The following PDE7B variants were observed in gnomAD, a reference collection of about 807,000 sequenced individuals.
PDE7B encodes the protein 3',5'-cyclic-AMP phosphodiesterase 7B.
Under a neutral mutation model 56.2 loss-of-function variants are expected in PDE7B, and 29 were observed. That is an observed-to-expected ratio of 0.52 (90% CI 0.38 to 0.70). The LOEUF (loss-of-function observed/expected upper bound fraction) is 0.70. Ranked by LOEUF, PDE7B falls within the 30% of genes least tolerant of loss-of-function variation. The pLI is 0.00. For missense variants in PDE7B, 490 were observed against 565.0 expected (o/e 0.87, Z 1.35); for synonymous variants, 197 against 196.9 (o/e 1.00, Z 0.00).
At chr6:136,062,166 AT>A (rs1169916264) in intron 2 of PDE7B, among the ~76,000 whole-genome samples, 2 of 152,208 alleles carry the variant, frequency 1.3e-5, no homozygotes, top group African/African-American at 4.8e-5. Flanking sequence ...CGCCATCCTC[AT>A]AAGGTAAATA....
intron 11 of PDE7B, among the ~76,000 whole-genome samples, chr6:136,182,482 T>C (rs1779082202): frequency 6.6e-6 from 1 of 152,180 alleles, no homozygotes; most frequent in Non-Finnish European, 1.5e-5. Flanking sequence ...TGAAATAGCA[T>C]AGTGAGAGAG....
At chr6:136,079,445 C>T (rs1046613693) in intron 2 of PDE7B, among the ~76,000 whole-genome samples, 2 of 152,098 alleles carry the variant, frequency 1.3e-5, no homozygotes, top group Non-Finnish European at 2.9e-5. Flanking sequence ...CTGAGGTGCA[C>T]TAATAACATT....
At chr6:136,005,024 G>C (rs1442323398) in intron 2 of PDE7B, among the ~76,000 whole-genome samples, 3 of 152,196 alleles carry the variant, frequency 2.0e-5, no homozygotes, top group Admixed American at 2.0e-4. Flanking sequence ...CAATGGAACA[G>C]AACAGAGCTC....
intron 2 of PDE7B, among the ~76,000 whole-genome samples, chr6:135,963,261 GACAA>G (rs1319000219): frequency 6.6e-6 from 1 of 152,122 alleles, no homozygotes; most frequent in Non-Finnish European, 1.5e-5. Flanking sequence ...TAAGCTAAGA[GACAA>G]ACAAAAGGCA....
At chr6:136,092,513 C>A (rs1356499272) in intron 2 of PDE7B, among the ~76,000 whole-genome samples, 1 of 152,176 alleles carries the variant, frequency 6.6e-6, no homozygotes, top group Non-Finnish European at 1.5e-5. Context: ...GTAATCCCAG[C>A]ACTTTGGGAA....
At chr6:136,128,747 A>G (rs1778066117) in intron 3 of PDE7B, among the ~76,000 whole-genome samples, 1 of 152,164 alleles carries the variant, frequency 6.6e-6, no homozygotes. Context: ...TGGCTGAAGA[A>G]CTGCTTTGCT....
chr6:136,129,622 C>A (rs1778082731), intron 3 of PDE7B, among the ~76,000 whole-genome samples: 1 of 152,210 alleles, frequency 6.6e-6, no homozygotes, highest in Non-Finnish European at 1.5e-5. Flanking sequence ...TTTGCATCAT[C>A]AGCACCCAGC....
chr6:135,861,345 A>G (rs1290455179), intron 1 of PDE7B, among the ~76,000 whole-genome samples: 1 of 151,790 alleles, frequency 6.6e-6, no homozygotes, highest in Non-Finnish European at 1.5e-5. Context: ...CCAACAATAC[A>G]TGTTCAGTTA....
intron 1 of PDE7B, among the ~76,000 whole-genome samples, chr6:135,936,138 T>C (rs895254664): frequency 3.9e-5 from 6 of 152,210 alleles, no homozygotes; most frequent in African/African-American, 1.4e-4. Context: ...TACAAGTGTA[T>C]AGGATTACAT....
chr6:135,924,617 C>CTT (rs3037775), intron 1 of PDE7B, among the ~76,000 whole-genome samples: 4,559 of 49,254 alleles, frequency 0.093, 357 homozygotes, highest in African/African-American at 0.23. Flanking sequence ...CTCTCTCTCT[C>CTT]TTTTTTTTTT....
chr6:136,031,597 G>T (rs1301590412), intron 2 of PDE7B, among the ~76,000 whole-genome samples: 2 of 151,430 alleles, frequency 1.3e-5, no homozygotes, highest in Non-Finnish European at 2.9e-5. Flanking sequence ...AAATTAGCCG[G>T]GCGTAGTGGC....
intron 2 of PDE7B, among the ~76,000 whole-genome samples, chr6:136,061,697 C>A (rs1292680718): frequency 6.6e-6 from 1 of 152,190 alleles, no homozygotes; most frequent in Admixed American, 6.5e-5. Context: ...ACTAAATAAG[C>A]ATTGAATCAA....
rs869049424 is a variant in PDE7B at position 135,906,810 on chromosome 6, GTTTTT to G, written c.22-40632_22-40628del. On this transcript the variant is annotated intron_variant, in intron 1 of 12. Coordinates refer to ENST00000308191, the MANE Select transcript of PDE7B (RefSeq NM_018945.4). ...TTTGACTCAAATGTTAATGAGGTTT[GTTTTT>G]TTTTTTTTTTTTTTTTTTTTTAATC... Among the ~76,000 whole-genome samples, 8 of 59,540 alleles carry G rather than the reference GTTTTT, an allele frequency of 1.3e-4. 1 individual carries two copies. Among genetic ancestry groups the G allele is most frequent in the African/African-American group, 4.2e-4 (6 of 14,242 alleles). 39.1% of individuals were successfully genotyped at this position (59,540 alleles called of 152,430 possible). A position where few individuals can be genotyped will look rare whatever the true frequency, so the allele number is the denominator to read the frequency against.
intron 2 of PDE7B, 78 bp downstream of exon 2, chr6:135,947,602 GTCTC>G: frequency 8.3e-6 from 9 of 1,081,098 alleles, no homozygotes; most frequent in Non-Finnish European, 1.3e-5. Context: ...CTTTTTGGCT[GTCTC>G]TCATTCTGTT....
rs1460260396 is a variant in PDE7B at position 136,192,737 on chromosome 6, C to T, written c.*897C>T. 6.6e-6 allele frequency: 1 copy of T among 152,590 alleles called. No homozygotes were observed. Among genetic ancestry groups the T allele is most frequent in the Admixed American group, 6.5e-5 (1 of 15,280 alleles). The allele number at this position is 152,590 out of a possible 1,614,324, so 9.5% of individuals were successfully genotyped here. On this transcript the variant is annotated 3_prime_UTR_variant, in exon 13 of 13. Coordinates refer to ENST00000308191, the MANE Select transcript of PDE7B (RefSeq NM_018945.4). ...TGTGAAAATACTGTTAGTTTTAATA[C>T]AAGAGAATGCATTTGTAAATATGGT...
intron 2 of PDE7B, among the ~76,000 whole-genome samples, chr6:136,100,971 C>T (rs1029314335): frequency 2.0e-5 from 3 of 152,124 alleles, no homozygotes; most frequent in Non-Finnish European, 4.4e-5. Flanking sequence ...GAGTTTTTAG[C>T]ATGAAAGGCT....
intron 6 of PDE7B, among the ~76,000 whole-genome samples, chr6:136,151,760 CCT>C (rs1393282859): frequency 6.6e-6 from 1 of 151,810 alleles, no homozygotes. Context: ...ACAGTGAAAC[CCT>C]GTCTCTACTA....
intron 2 of PDE7B, among the ~76,000 whole-genome samples, chr6:135,997,078 G>A (rs186208867): frequency 3.9e-5 from 6 of 151,996 alleles, no homozygotes; most frequent in Admixed American, 6.6e-5. Context: ...CTTTATTCTC[G>A]GTTTTTTTGT....
At chr6:135,931,953 G>GCACACACACA (rs35849934) in intron 1 of PDE7B, among the ~76,000 whole-genome samples, 2 of 64,388 alleles carry the variant, frequency 3.1e-5, no homozygotes, top group Admixed American at 2.2e-4. Context: ...ACACGCGCGC[G>GCACACACACA]CACACACACA....
Sources: allele counts gnomAD v4.1 joint callset (sites outside exome capture counted in the v4.1 genomes callset), GRCh38; gene constraint gnomAD v4.1.1; transcripts MANE v1.5; gene names NCBI Gene and HGNC (gene_info 2026-07-23, HGNC 2026-07-21).